AHCTF1: variants seen among roughly 807,000 people sequenced by gnomAD.
AHCTF1 encodes AT-hook containing transcription factor 1, also known as protein ELYS.
In AHCTF1, 24 loss-of-function variants were observed where a neutral mutation model predicts 248.4. The observed-to-expected ratio is 0.10, with a 90% confidence interval of 0.07 to 0.14. The LOEUF (loss-of-function observed/expected upper bound fraction) is 0.14, where lower values mean the gene tolerates loss of function less well. AHCTF1 is among the 10% of genes least tolerant of loss of function. The pLI is 1.00. For synonymous variants in AHCTF1, 786 were observed against 929.8 expected, an observed-to-expected ratio of 0.85 and a Z score of 2.81; for missense variants, 2,206 against 2,636.2, an observed-to-expected ratio of 0.84 and a Z score of 3.57.
rs757037085 is a variant in AHCTF1 at position 246,840,849 on chromosome 1, A to G, written c.6758T>C (p.Leu2253Pro). 2.5e-6 allele frequency: 4 copies of G among 1,606,012 alleles called. No individual in the cohort carries two copies. The highest frequency in any genetic ancestry group is 3.4e-6 in the Non-Finnish European group (4 of 1,177,960). The change falls in exon 36 of 36, where the codon CTG becomes CCG. Residue 2253 changes from leucine (L) to proline (P), a missense_variant. Transcript: ENST00000648844. ...TAAAATTTGCTTTGGATAGGAAGAC[A>G]GTTTCTTTCTGTTCCTTCCAAGACC... Reference protein sequence around the residue: ...GTGLGRNRKKLSSYPKQILRR... With the variant: ...GTGLGRNRKKPSSYPKQILRR...
At chr1:246,857,010 T>C (rs576260540) in intron 30 of AHCTF1, among the ~76,000 whole-genome samples, 1 of 152,240 alleles carries the variant, frequency 6.6e-6, no homozygotes, top group Non-Finnish European at 1.5e-5. Flanking sequence ...AGTGCGGACA[T>C]GCAATCTGTG....
intron 3 of AHCTF1, 91 bp downstream of exon 3, chr1:246,916,051 T>G (rs1666121754): frequency 1.4e-6 from 2 of 1,402,268 alleles, no homozygotes; most frequent in South Asian, 1.5e-5. Flanking sequence ...ATGTTGCGGG[T>G]CAGTGAAATT....
At chr1:246,896,160 G>A (rs574902808) in intron 12 of AHCTF1, among the ~76,000 whole-genome samples, 38 of 152,186 alleles carry the variant, frequency 2.5e-4, no homozygotes, top group African/African-American at 6.3e-4. Flanking sequence ...GCAGTTTGGC[G>A]GTTTCTCAGT....
rs753279915 is a variant in AHCTF1, at chr1:246,843,915, C to T, written c.6405G>A (p.Glu2135=). 2 of 1,459,360 alleles carry T rather than the reference C, an allele frequency of 1.4e-6. No individual in the cohort carries two copies. The highest frequency in any genetic ancestry group is 1.8e-6 in the Non-Finnish European group (2 of 1,103,560). 90.4% of individuals were successfully genotyped at this position (1,459,360 alleles called of 1,614,324 possible). The part of the protein sequence containing the change: ...VPRKAKAKKI[E]VPAQLKELVS... ...CTAATTCTTTCAGCTGTGCAGGAAC[C>T]TCTATTTTTTTAGCTAAAAAAAGTT... The change falls in exon 34 of 36, where the codon GAG becomes GAA. Residue 2135 remains glutamate, a synonymous_variant. Coordinates refer to ENST00000648844, the MANE Select transcript of AHCTF1 (RefSeq NM_001323342.2).
At chr1:246,924,817 A>T (rs1167814956) in intron 1 of AHCTF1, among the ~76,000 whole-genome samples, 2 of 152,146 alleles carry the variant, frequency 1.3e-5, no homozygotes, top group East Asian at 3.9e-4. Context: ...CAAAAGTAGA[A>T]GTTTGCTTTT....
At chr1:246,862,694 A>C (rs961914144) in intron 27 of AHCTF1, among the ~76,000 whole-genome samples, 1 of 150,572 alleles carries the variant, frequency 6.6e-6, no homozygotes, top group South Asian at 2.1e-4. Context: ...TTCCAACTTA[A>C]ATTCAACTAA....
intron 14 of AHCTF1, among the ~76,000 whole-genome samples, chr1:246,892,460 A>ACAG (rs1664278420): frequency 6.6e-6 from 1 of 151,824 alleles, no homozygotes; most frequent in Non-Finnish European, 1.5e-5. Context: ...AGCTGGGATT[A>ACAG]CAGGCATGTG....
chr1:246,876,271 T>G, intron 23 of AHCTF1, 84 bp from the exon 24 acceptor site: 6 of 1,218,574 alleles, frequency 4.9e-6, no homozygotes, highest in Non-Finnish European at 6.5e-6. Context: ...AAAATAAAAC[T>G]ATGAATATCC....
At chr1:246,866,401 T>C (rs887002149) in intron 26 of AHCTF1, among the ~76,000 whole-genome samples, 2 of 152,168 alleles carry the variant, frequency 1.3e-5, no homozygotes, top group Non-Finnish European at 1.5e-5. Flanking sequence ...TTCTTTCCAT[T>C]TAAAATACCA....
At chr1:246,855,272 T>C (rs1329477170) in intron 31 of AHCTF1, among the ~76,000 whole-genome samples, 2 of 152,138 alleles carry the variant, frequency 1.3e-5, no homozygotes, top group Non-Finnish European at 2.9e-5. Context: ...CTCATCTCTG[T>C]ATAGCCAGGG....
At chr1:246,911,973 G>A (rs1572456604) in intron 4 of AHCTF1, among the ~76,000 whole-genome samples, 2 of 151,586 alleles carry the variant, frequency 1.3e-5, no homozygotes, top group Admixed American at 6.6e-5. Context: ...TTGCTCTGTC[G>A]CCCAGGCTGG....
At chr1:246,868,921 T>A (rs1213852292) in intron 24 of AHCTF1, among the ~76,000 whole-genome samples, 12 of 148,546 alleles carry the variant, frequency 8.1e-5, no homozygotes, top group Admixed American at 1.3e-4. Context: ...CTCGGCTCAC[T>A]GCAAGTTCTG....
At chr1:246,872,203 A>G (rs556598431) in intron 24 of AHCTF1, among the ~76,000 whole-genome samples, 3 of 152,258 alleles carry the variant, frequency 2.0e-5, no homozygotes, top group South Asian at 4.2e-4. Context: ...AAAAGATAAA[A>G]CAGATCAAGG....
chr1:246,850,708 C>G lies in AHCTF1; in HGVS notation c.5298G>C (p.Lys1766Asn). Residue 1766 changes from lysine to asparagine, a missense_variant, in exon 33 of 36, where the codon AAG becomes AAC. This residue lies in a region of AHCTF1 where 955 missense variants were observed against 1,055.6 expected (regional missense o/e 0.90). Coordinates refer to ENST00000648844, the MANE Select transcript of AHCTF1 (RefSeq NM_001323342.2). ...TCTTCCTGACTGACTGCCCTGGCAT[C>G]TTAGGAGTAGCAACATCTGCTGATG... The part of the protein sequence containing the change: ...QEASADVATP[K>N]MPGQSVRKKT... The G allele has an allele frequency of 3.1e-6, 5 of 1,613,946 alleles. No homozygotes were observed. Among genetic ancestry groups the G allele is most frequent in the Non-Finnish European group, 4.2e-6 (5 of 1,179,864 alleles).
chr1:246,906,311 A>T (rs1665388207), intron 5 of AHCTF1, among the ~76,000 whole-genome samples: 1 of 152,104 alleles, frequency 6.6e-6, no homozygotes, highest in Non-Finnish European at 1.5e-5. Context: ...CGGGCGTGGT[A>T]GCTCACACCT....
chr1:246,863,885 T>C, intron 27 of AHCTF1, 39 bp downstream of exon 27: 1 of 1,591,770 alleles, frequency 6.3e-7, no homozygotes. Context: ...GTAAGAGCCA[T>C]CTAGTTTGAT....
In AHCTF1 at chr1:246,885,513, G is replaced by A. The variant is rs1663750935; in HGVS notation, c.2640C>T (p.Leu880=). Residue 880 remains leucine (L), a synonymous_variant, in exon 21 of 36, where the codon CTC becomes CTT. Coordinates refer to ENST00000648844, the MANE Select transcript of AHCTF1 (RefSeq NM_001323342.2). Reference sequence around the variant, plus strand: ...CTTACCTATTAAAAAGCAAAACAGTGAGGTGAAGGATAACATCGTTACCAC... The same window carrying A: ...CTTACCTATTAAAAAGCAAAACAGTAAGGTGAAGGATAACATCGTTACCAC... ...VSSGNDVILH[L]TVLLFNRCMV... is the part of the protein sequence containing the mutation. The A allele has an allele frequency of 6.3e-7, 1 of 1,597,890 alleles. No individual in the cohort carries two copies. The highest frequency in any genetic ancestry group is 1.3e-5 in the African/African-American group (1 of 74,244).
chr1:246,884,627 A>G (rs1227246704), intron 21 of AHCTF1, among the ~76,000 whole-genome samples: 1 of 151,336 alleles, frequency 6.6e-6, no homozygotes, highest in Non-Finnish European at 1.5e-5. Context: ...TGTACTTCCA[A>G]TCATGCCATT....
chr1:246,858,745 G>A (rs923253339), intron 29 of AHCTF1, among the ~76,000 whole-genome samples: 2 of 147,904 alleles, frequency 1.4e-5, no homozygotes, highest in East Asian at 4.0e-4. Flanking sequence ...GTTGCGGTGA[G>A]CCGAGATCAC....
Sources: gnomAD v4.1 joint callset for allele counts (sites outside exome capture counted in the v4.1 genomes callset) on GRCh38, gnomAD v4.1.1 for gene constraint, gnomAD v4.1.1 regional missense constraint, MANE v1.5 for transcripts, NCBI Gene and HGNC (gene_info 2026-07-23, HGNC 2026-07-21) for gene names.